The following RHOBTB2 variants were observed in gnomAD, a reference collection of about 807,000 sequenced individuals.
RHOBTB2 encodes Rho related BTB domain containing 2, also known as rho-related BTB domain-containing protein 2.
In RHOBTB2, 39 loss-of-function variants were observed where a neutral mutation model predicts 66.5. The ratio of observed to expected loss-of-function variants is 0.59; its 90% confidence interval spans 0.45 to 0.77. The LOEUF is 0.77. Among genes scored for constraint, RHOBTB2 ranks in the 30% least tolerant of loss-of-function variants. The pLI is 0.00. For missense variants in RHOBTB2, 755 were observed against 999.1 expected (o/e 0.76, Z 3.29); for synonymous variants, 390 against 395.0 (o/e 0.99, Z 0.15).
the RHOBTB2 span, among the ~76,000 whole-genome samples, chr8:22,981,966 C>T: frequency 1.3e-5 from 2 of 152,188 alleles, no homozygotes; most frequent in Non-Finnish European, 2.9e-5. Flanking sequence ...CGATACCAGG[C>T]GCCCCTACCA....
chr8:23,017,557 AG>A lies in RHOBTB2; in HGVS notation c.*91del. Reference sequence around the variant, plus strand: ...TTCCGCATCACCCCATCCACCTTACAGGGACCAGGGGGCCCACGTAACCAGG... The same window carrying A: ...TTCCGCATCACCCCATCCACCTTACAGGACCAGGGGGCCCACGTAACCAGG... On this transcript the variant is annotated 3_prime_UTR_variant, in exon 10 of 10. Transcript: ENST00000251822. The surrounding 1 kb of genome is among the most constrained non-coding windows in gnomAD (Gnocchi z 5.3). The A allele has an allele frequency of 6.6e-7, 1 of 1,520,784 alleles. No homozygotes were observed. Among genetic ancestry groups the A allele is most frequent in the Non-Finnish European group, 8.9e-7 (1 of 1,129,420 alleles). 94.2% of individuals were successfully genotyped at this position (1,520,784 alleles called of 1,614,324 possible).
At chr8:22,960,637 G>A in the RHOBTB2 span, among the ~76,000 whole-genome samples, 1 of 152,098 alleles carries the variant, frequency 6.6e-6, no homozygotes, top group Non-Finnish European at 1.5e-5. Context: ...CTTTTTCATT[G>A]GAGGGTACAA....
In RHOBTB2 at chr8:23,009,747, G is replaced by T. The variant is rs571216377; in HGVS notation, c.1621-791G>T. On this transcript the variant is annotated intron_variant, in intron 6 of 9. Coordinates refer to ENST00000251822, the MANE Select transcript of RHOBTB2 (RefSeq NM_015178.3). ...TACTTAAGGAAGGCTAAGTGGAAGC[G>T]TTGGGAGTTGGTCTCTGAAGTGGGA... is the stretch of plus-strand genomic sequence containing the variant. Among the ~76,000 whole-genome samples the T allele has an allele frequency of 2.0e-5, 3 of 152,192 alleles. No homozygotes were observed. In the South Asian group the frequency reaches 6.2e-4, roughly 31 times the overall value.
chr8:22,992,190 A>T (rs578157464), intron 2 of RHOBTB2: 1 of 152,308 alleles, frequency 6.6e-6, no homozygotes, highest in Admixed American at 6.5e-5. Flanking sequence ...GGTGGGTCAG[A>T]GGAGAAGAGA....
the RHOBTB2 span, among the ~76,000 whole-genome samples, chr8:22,965,757 C>T: frequency 3.3e-5 from 5 of 152,096 alleles, no homozygotes; most frequent in African/African-American, 1.2e-4. Flanking sequence ...TGCCTTTTAC[C>T]ATATGTAAAA....
chr8:22,979,673 TG>T, the RHOBTB2 span, among the ~76,000 whole-genome samples: 1 of 151,886 alleles, frequency 6.6e-6, no homozygotes, highest in Non-Finnish European at 1.5e-5. Context: ...AGAGTTTTCT[TG>T]AGCCAAATTA....
chr8:23,006,574 G>GT lies in RHOBTB2; in HGVS notation c.483-154_483-153insT. On this transcript the variant is annotated intron_variant, in intron 4 of 9. Transcript: ENST00000251822. The surrounding 1 kb of genome is among the most constrained non-coding windows in gnomAD (Gnocchi z 6.1). ...AGAAAAAGGGCTTGGAGTGGACCTT[G>GT]AAGGAGCTTGATGGGATTTGGCCAG... The GT allele has an allele frequency of 1.3e-6, 1 of 742,578 alleles. No homozygotes were observed. Among genetic ancestry groups the GT allele is most frequent in the Non-Finnish European group, 2.2e-6 (1 of 446,950 alleles). 46.0% of individuals were successfully genotyped at this position (742,578 alleles called of 1,614,324 possible). A position where few individuals can be genotyped will look rare whatever the true frequency, so the allele number is the denominator to read the frequency against.
upstream of RHOBTB2, chr8:22,994,621 A>G (rs966955210): frequency 3.2e-6 from 5 of 1,551,530 alleles, no homozygotes; most frequent in Middle Eastern, 1.7e-4. Flanking sequence ...GGCCCCCAGA[A>G]GACCTCTTCA....
At chr8:22,995,969 T>G (rs1585182505), upstream of RHOBTB2, 2 of 1,300,792 alleles carry the variant, frequency 1.5e-6, no homozygotes, top group Non-Finnish European at 2.2e-6. Flanking sequence ...AGCCAGGCGG[T>G]CTGCGTTGGG....
At chr8:22,995,100 A>T (rs1028605981), upstream of RHOBTB2, among the ~76,000 whole-genome samples, 18 of 152,030 alleles carry the variant, frequency 1.2e-4, no homozygotes, top group African/African-American at 3.9e-4. Context: ...TATCTTTTTT[A>T]AAAATTTTTT....
intron 1 of RHOBTB2, among the ~76,000 whole-genome samples, chr8:22,989,764 A>G (rs1810379368): frequency 6.6e-6 from 1 of 152,236 alleles, no homozygotes; most frequent in Non-Finnish European, 1.5e-5. Context: ...CATCTGTAAG[A>G]TAAAGAGGGT....
At chr8:22,989,855 C>G (rs149201825) in intron 1 of RHOBTB2, among the ~76,000 whole-genome samples, 186 of 152,346 alleles carry the variant, frequency 1.2e-3, no homozygotes, top group Non-Finnish European at 2.0e-3. Context: ...CCAAGAGGCT[C>G]TGAGCCAGAC....
chr8:23,015,441 C>T (rs1456381986), intron 8 of RHOBTB2, among the ~76,000 whole-genome samples, 197 bp from the exon 9 acceptor site: 1 of 152,028 alleles, frequency 6.6e-6, no homozygotes, highest in East Asian at 1.9e-4. Flanking sequence ...GTGGTGCTGG[C>T]GGTGGTGCCA....
In RHOBTB2 at chr8:23,015,630, G is replaced by A; in HGVS notation, c.1861-8G>A. 1 of 1,598,024 alleles carries A rather than the reference G, an allele frequency of 6.3e-7. No individual in the cohort carries two copies. Among genetic ancestry groups the A allele is most frequent in the Non-Finnish European group, 8.6e-7 (1 of 1,165,630 alleles). ...TTCAGTACAGACGTTCTTCCCTTCT[G>A]TCCCCAGTTCCACTGTGCGTACCAG... On this transcript the variant is annotated splice_region_variant and splice_polypyrimidine_tract_variant and intron_variant, in intron 8 of 9. Coordinates refer to ENST00000251822, the MANE Select transcript of RHOBTB2 (RefSeq NM_015178.3).
chr8:23,008,053 G>T lies in RHOBTB2; in HGVS notation c.1562G>T (p.Ser521Ile). The T allele has an allele frequency of 6.2e-7, 1 of 1,613,686 alleles. No individual in the cohort carries two copies. The stretch of plus-strand genomic sequence containing the variant: ...GCCCACAAGCCCCTGTTGATTTCCA[G>T]CTGTGACTGGATGGCTGCCATGTTT... ...ISAHKPLLISSCDWMAAMFGG... is the reference protein window; with the variant it reads ...ISAHKPLLISICDWMAAMFGG... The change falls in exon 6 of 10, where the codon AGC (serine) becomes ATC (isoleucine). Residue 521 changes from serine to isoleucine, a missense_variant. Physicochemically the swap from Ser to Ile is moderately radical, Grantham distance 142 (BLOSUM62 -2). Transcript: ENST00000251822.
chr8:22,951,054 C>T, the RHOBTB2 span, among the ~76,000 whole-genome samples: 1 of 152,158 alleles, frequency 6.6e-6, no homozygotes, highest in African/African-American at 2.4e-5. Context: ...AAAACCTTAC[C>T]AAGGACTTCC....
chr8:22,994,597 G>A (rs1230512440), upstream of RHOBTB2: 3 of 1,551,586 alleles, frequency 1.9e-6, no homozygotes, highest in South Asian at 2.4e-5. Flanking sequence ...CAAGCCTGGA[G>A]AAAAGGCCCC....
At chr8:23,014,835 A>C in intron 8 of RHOBTB2, 57 bp downstream of exon 8, 4 of 1,413,742 alleles carry the variant, frequency 2.8e-6, no homozygotes, top group Non-Finnish European at 4.0e-6. Context: ...CTGCCTGCCC[A>C]TTGGCTGCGA....
At chr8:22,973,717 C>T in the RHOBTB2 span, among the ~76,000 whole-genome samples, 1 of 152,134 alleles carries the variant, frequency 6.6e-6, no homozygotes, top group Non-Finnish European at 1.5e-5. Flanking sequence ...TGAAAATCTC[C>T]CTCCTTGCTA....
Sources: allele counts gnomAD v4.1 joint callset (sites outside exome capture counted in the v4.1 genomes callset), GRCh38; gene constraint gnomAD v4.1.1; non-coding constraint Gnocchi (gnomAD v3.1); transcripts MANE v1.5; gene names NCBI Gene and HGNC (gene_info 2026-07-23, HGNC 2026-07-21).